RSRC1: variants seen among roughly 807,000 people sequenced by gnomAD.
RSRC1 encodes serine/Arginine-related protein 53.
Under a neutral mutation model 49.1 loss-of-function variants are expected in RSRC1, and 39 were observed. The ratio of observed to expected loss-of-function variants is 0.79; its 90% CI spans 0.61 to 1.04. The LOEUF is 1.04. RSRC1 is among the 50% of genes least tolerant of loss of function. The probability of loss-of-function intolerance (pLI) is 0.00; values close to 1 mark genes in which losing one functional copy is unlikely to be tolerated. For missense variants in RSRC1, 388 were observed against 402.4 expected, an observed-to-expected ratio of 0.96 and a Z score of 0.31; for synonymous variants, 143 against 130.8, an observed-to-expected ratio of 1.09 and a Z score of -0.63.
chr3:158,446,357 T>A (rs1736716796), intron 6 of RSRC1, among the ~76,000 whole-genome samples: 1 of 152,048 alleles, frequency 6.6e-6, no homozygotes, highest in Non-Finnish European at 1.5e-5. Context: ...TGTGTTACTT[T>A]TTTTGGATAT....
intron 3 of RSRC1, among the ~76,000 whole-genome samples, chr3:158,178,051 C>CTGTA (rs1719343723): frequency 6.6e-6 from 1 of 152,068 alleles, no homozygotes; most frequent in Non-Finnish European, 1.5e-5. Context: ...TTTTTGTTAT[C>CTGTA]TGTAGACTGT....
At position 158,294,839 on chromosome 3, in the gene RSRC1, A is replaced by G. The variant is rs554971367; in HGVS notation, c.495-3200A>G. 3.9e-5 allele frequency among the ~76,000 whole-genome samples: 6 copies of G among 152,312 alleles called. No individual in the cohort carries two copies. The South Asian group carries it at 1.2e-3, about 32-fold the overall frequency. ...AGTGTTGCAAATTGCCTTGCTCTTT[A>G]CATGGGTTGGAGATAGAGTGGGGCT... is the stretch of plus-strand genomic sequence containing the variant. On this transcript the variant is annotated intron_variant, in intron 4 of 9. Coordinates refer to ENST00000611884, the MANE Select transcript of RSRC1 (RefSeq NM_001271838.2).
chr3:158,417,811 C>A (rs1734827143), intron 6 of RSRC1, among the ~76,000 whole-genome samples: 2 of 149,576 alleles, frequency 1.3e-5, no homozygotes, highest in Admixed American at 6.7e-5. Context: ...GATTCTATAG[C>A]AAAGTAATAA....
intron 5 of RSRC1, chr3:158,302,775 T>C (rs1578311415): frequency 6.7e-6 from 1 of 149,944 alleles, no homozygotes; most frequent in Non-Finnish European, 1.5e-5. Flanking sequence ...GATTCTCCTG[T>C]CTCAGCCTCC....
At chr3:158,375,064 A>G (rs953216792) in intron 6 of RSRC1, among the ~76,000 whole-genome samples, 8 of 151,910 alleles carry the variant, frequency 5.3e-5, no homozygotes, top group Admixed American at 6.6e-5. Flanking sequence ...AATTTTAAAA[A>G]TTGTTTTAAA....
At chr3:158,416,195 T>C (rs1734728059) in intron 6 of RSRC1, among the ~76,000 whole-genome samples, 2 of 151,990 alleles carry the variant, frequency 1.3e-5, no homozygotes, top group South Asian at 4.1e-4. Context: ...TTTATCTTTC[T>C]CTTTTGCTAT....
chr3:158,158,915 G>C (rs1208122579), intron 3 of RSRC1, among the ~76,000 whole-genome samples: 2 of 148,038 alleles, frequency 1.4e-5, no homozygotes, highest in Non-Finnish European at 1.5e-5. Context: ...CTCCAGCCTT[G>C]GCAACAGAGT....
chr3:158,142,486 G>A (rs1716810469), intron 3 of RSRC1, among the ~76,000 whole-genome samples: 1 of 152,146 alleles, frequency 6.6e-6, no homozygotes, highest in Admixed American at 6.5e-5. Flanking sequence ...GAGTAGTATA[G>A]AGAAAAGAGG....
chr3:158,175,976 C>G (rs918709199), intron 3 of RSRC1, among the ~76,000 whole-genome samples: 3 of 152,056 alleles, frequency 2.0e-5, no homozygotes, highest in East Asian at 1.9e-4. Context: ...TGAGCTTGAT[C>G]AGGTCATTTA....
At chr3:158,402,498 T>C (rs1373186786) in intron 6 of RSRC1, among the ~76,000 whole-genome samples, 2 of 151,896 alleles carry the variant, frequency 1.3e-5, no homozygotes, top group East Asian at 3.9e-4. Context: ...AGCTGACAGA[T>C]GAATGACTTT....
intron 6 of RSRC1, among the ~76,000 whole-genome samples, chr3:158,367,478 G>A (rs1234881242): frequency 2.0e-5 from 3 of 152,184 alleles, no homozygotes; most frequent in Admixed American, 6.5e-5. Flanking sequence ...GCATCCCAGG[G>A]ATGAAGCTGA....
At chr3:158,414,687 A>T (rs914966401) in intron 6 of RSRC1, among the ~76,000 whole-genome samples, 1 of 151,976 alleles carries the variant, frequency 6.6e-6, no homozygotes, top group Non-Finnish European at 1.5e-5. Flanking sequence ...ATGCCACTGC[A>T]CTCCAACCTG....
chr3:158,137,639 G>T (rs981696235), intron 3 of RSRC1, among the ~76,000 whole-genome samples: 2 of 147,066 alleles, frequency 1.4e-5, no homozygotes, highest in Non-Finnish European at 3.0e-5. Context: ...GACAAAATAG[G>T]TGACTTTTTC....
At chr3:158,414,152 A>C (rs537573139) in intron 6 of RSRC1, among the ~76,000 whole-genome samples, 2 of 152,292 alleles carry the variant, frequency 1.3e-5, no homozygotes, top group East Asian at 3.9e-4. Flanking sequence ...AATCAACCCA[A>C]ATGCCCATCA....
intron 6 of RSRC1, among the ~76,000 whole-genome samples, chr3:158,453,570 A>T (rs1472484595): frequency 4.6e-5 from 7 of 151,858 alleles, no homozygotes; most frequent in African/African-American, 1.7e-4. Flanking sequence ...TTTCATAGAA[A>T]CAGGGTCTCA....
At chr3:158,130,584 C>A (rs78998622) in intron 3 of RSRC1, among the ~76,000 whole-genome samples, 2,367 of 152,032 alleles carry the variant, frequency 0.016, 83 homozygotes, top group African/African-American at 0.054. Context: ...TTCATGTATA[C>A]CTTATACATG....
intron 6 of RSRC1, among the ~76,000 whole-genome samples, chr3:158,399,006 T>C (rs1733755568): frequency 3.3e-5 from 5 of 151,992 alleles, no homozygotes; most frequent in Admixed American, 3.3e-4. Flanking sequence ...ATTTGAATTA[T>C]ATATTTCACT....
intron 6 of RSRC1, among the ~76,000 whole-genome samples, chr3:158,437,520 A>G (rs1390986373): frequency 6.6e-6 from 1 of 152,184 alleles, no homozygotes; most frequent in Non-Finnish European, 1.5e-5. Flanking sequence ...TATGCAAATC[A>G]ATAAACGGAA....
At chr3:158,232,461 A>G (rs1038781903) in intron 4 of RSRC1, among the ~76,000 whole-genome samples, 1 of 152,164 alleles carries the variant, frequency 6.6e-6, no homozygotes, top group East Asian at 1.9e-4. Context: ...AGTCACCACC[A>G]TACTCACAAG....
Sources: gnomAD v4.1 joint callset for allele counts (sites outside exome capture counted in the v4.1 genomes callset) on GRCh38, gnomAD v4.1.1 for gene constraint, MANE v1.5 for transcripts, NCBI Gene and HGNC (gene_info 2026-07-23, HGNC 2026-07-21) for gene names.